The following ZRANB1 variants were observed in gnomAD, a reference collection of about 807,000 sequenced individuals.
ZRANB1 encodes the protein zinc finger RANBP2-type containing 1.
A neutral mutation model predicts 80.5 loss-of-function variants in ZRANB1; 16 were observed. The observed-to-expected ratio is 0.20, with a 90% CI of 0.13 to 0.30. The LOEUF (loss-of-function observed/expected upper bound fraction) is 0.30. ZRANB1 is among the 10% of genes least tolerant of loss of function. The pLI is 1.00. For missense variants in ZRANB1, 576 were observed against 862.6 expected (o/e 0.67, Z 4.16); for synonymous variants, 291 against 293.1 (o/e 0.99, Z 0.07).
the ZRANB1 span, among the ~76,000 whole-genome samples, chr10:124,926,197 A>G: frequency 1.3e-5 from 2 of 152,354 alleles, no homozygotes; most frequent in South Asian, 2.1e-4. Flanking sequence ...CAAGGACATT[A>G]CTATACACCA....
At chr10:124,980,141 C>T (rs1424631712) in intron 5 of ZRANB1, among the ~76,000 whole-genome samples, 1 of 152,124 alleles carries the variant, frequency 6.6e-6, no homozygotes, top group Non-Finnish European at 1.5e-5. Context: ...GCCAGCTTGA[C>T]AATATTGAGC....
the ZRANB1 span, among the ~76,000 whole-genome samples, chr10:124,919,599 T>C: frequency 2.1e-5 from 3 of 145,064 alleles, no homozygotes; most frequent in Admixed American, 6.8e-5. Flanking sequence ...TTTTTTTTTT[T>C]CCTCCTCCTC....
chr10:124,974,298 T>C lies in ZRANB1; in HGVS notation c.1327T>C (p.Cys443Arg). Residue 443 changes from cysteine (C) to arginine (R), a missense_variant, in exon 5 of 9, where the codon TGC becomes CGC. Around this residue, in one of 3 missense-constraint regions of ZRANB1, gnomAD observed 411 missense variants for 583.1 expected, o/e 0.70. Coordinates refer to ENST00000359653, the MANE Select transcript of ZRANB1 (RefSeq NM_017580.3). ...YALWNRTAGD[C>R]LLDSVLQATW... ...ACTTTGGAACCGGACTGCAGGAGAC[T>C]GCCTACTTGATTCAGTTCTACAAGC... The C allele has an allele frequency of 6.2e-7, 1 of 1,614,266 alleles. No homozygotes were observed. Among genetic ancestry groups the C allele is most frequent in the Non-Finnish European group, 8.5e-7 (1 of 1,180,040 alleles).
At chr10:124,967,702 G>A (rs1487896017) in intron 2 of ZRANB1, among the ~76,000 whole-genome samples, 1 of 152,028 alleles carries the variant, frequency 6.6e-6, no homozygotes, top group Admixed American at 6.5e-5. Context: ...CCTTAGAAAT[G>A]GGAAGAGGGT....
the ZRANB1 span, among the ~76,000 whole-genome samples, chr10:124,924,395 A>G: frequency 2.0e-5 from 3 of 152,116 alleles, no homozygotes; most frequent in Non-Finnish European, 4.4e-5. Flanking sequence ...TATACTTAAC[A>G]GAGTTGTACA....
At chr10:124,966,532 C>CG in intron 1 of ZRANB1, 62 bp from the exon 2 acceptor site, 5 of 1,522,498 alleles carry the variant, frequency 3.3e-6, no homozygotes, top group Non-Finnish European at 4.5e-6. Context: ...GTGATTGCTA[C>CG]GGTTTGTGTT....
intron 1 of ZRANB1, among the ~76,000 whole-genome samples, chr10:124,956,926 TGA>T (rs1951691932): frequency 6.6e-6 from 1 of 152,226 alleles, no homozygotes; most frequent in Non-Finnish European, 1.5e-5. Context: ...CTGAACTGTT[TGA>T]GAGTTAGCTG....
chr10:124,944,622 C>T (rs1418750705), intron 1 of ZRANB1, among the ~76,000 whole-genome samples: 2 of 151,750 alleles, frequency 1.3e-5, no homozygotes, highest in African/African-American at 4.8e-5. Flanking sequence ...GTAGCTGGGA[C>T]TCCCCATTAG....
intron 5 of ZRANB1, among the ~76,000 whole-genome samples, chr10:124,980,151 C>G (rs1435820922): frequency 6.6e-6 from 1 of 152,126 alleles, no homozygotes; most frequent in African/African-American, 2.4e-5. Flanking sequence ...CAATATTGAG[C>G]CTTCCAATCC....
intron 1 of ZRANB1, among the ~76,000 whole-genome samples, chr10:124,947,578 A>C (rs1436988018): frequency 6.6e-6 from 1 of 152,214 alleles, no homozygotes; most frequent in Admixed American, 6.5e-5. Flanking sequence ...CTGCCTATTC[A>C]GCATCTTTCC....
chr10:124,933,061 T>C, the ZRANB1 span, among the ~76,000 whole-genome samples: 9 of 152,274 alleles, frequency 5.9e-5, no homozygotes, highest in Middle Eastern at 3.4e-3. Flanking sequence ...TCTTATTCTC[T>C]TGACAGTGTC....
chr10:124,942,355 G>A lies in ZRANB1; in HGVS notation c.-139G>A, dbSNP rs1198608779. 1 of 1,445,064 alleles carries A rather than the reference G, an allele frequency of 6.9e-7. No homozygotes were observed. Among genetic ancestry groups the A allele is most frequent in the Non-Finnish European group, 9.1e-7 (1 of 1,103,444 alleles). The allele number at this position is 1,445,064 out of a possible 1,614,324, so 89.5% of individuals were successfully genotyped here. On this transcript the variant is annotated 5_prime_UTR_variant, in exon 1 of 9. Transcript: ENST00000359653. ...TGTCGAAATGTTGCATGCATCTTTT[G>A]AGAAATTTATATTTTGTAGGTTGAA...
chr10:124,942,792 G>T lies in ZRANB1; in HGVS notation c.299G>T (p.Arg100Ile). Residue 100 changes from arginine to isoleucine, a missense_variant, in exon 1 of 9, where the codon AGA becomes ATA. Transcript: ENST00000359653. ...CHMCTYLNWP[R>I]AIRCTQCLSQ... ...ATGTGTACATATTTGAACTGGCCAA[G>T]AGCAATCAGATGTACCCAGTGCTTA... 6.2e-7 allele frequency: 1 copy of T among 1,614,212 alleles called. No homozygotes were observed. Among genetic ancestry groups the T allele is most frequent in the Non-Finnish European group, 8.5e-7 (1 of 1,180,046 alleles).
chr10:124,969,526 G>GA (rs1298633207), intron 2 of ZRANB1, among the ~76,000 whole-genome samples: 1 of 152,092 alleles, frequency 6.6e-6, no homozygotes, highest in Admixed American at 6.5e-5. Flanking sequence ...TGTGGGGCAG[G>GA]AATTTTCATC....
chr10:124,945,084 A>C (rs528655856), intron 1 of ZRANB1: 2 of 152,350 alleles, frequency 1.3e-5, no homozygotes, highest in South Asian at 4.1e-4. Context: ...TTCCTTAGAG[A>C]TCAAATTGAT....
the ZRANB1 span, among the ~76,000 whole-genome samples, chr10:124,918,646 A>G: frequency 6.6e-6 from 1 of 152,262 alleles, no homozygotes. Flanking sequence ...GCCAGGGGAA[A>G]CCATAAGGAA....
At chr10:124,941,791 C>CT (rs1185277147), upstream of ZRANB1, among the ~76,000 whole-genome samples, 5 of 151,936 alleles carry the variant, frequency 3.3e-5, no homozygotes, top group African/African-American at 2.4e-5. Context: ...GTACAGTCTT[C>CT]TTTTTTTTAC....
At chr10:124,947,620 G>A (rs1951595970) in intron 1 of ZRANB1, among the ~76,000 whole-genome samples, 1 of 152,142 alleles carries the variant, frequency 6.6e-6, no homozygotes, top group African/African-American at 2.4e-5. Context: ...CTCATTTCAA[G>A]CTCAGTAATG....
the ZRANB1 span, among the ~76,000 whole-genome samples, chr10:124,922,143 A>G: frequency 1.3e-5 from 2 of 151,156 alleles, no homozygotes; most frequent in South Asian, 2.1e-4. Flanking sequence ...AGATCTCTCT[A>G]TATTGCCCCC....
Sources: gnomAD v4.1 joint callset for allele counts (sites outside exome capture counted in the v4.1 genomes callset) on GRCh38, gnomAD v4.1.1 for gene constraint, gnomAD v4.1.1 regional missense constraint, MANE v1.5 for transcripts, NCBI Gene and HGNC (gene_info 2026-07-23, HGNC 2026-07-21) for gene names.